The following TRIM49B variants were observed in gnomAD, a reference collection of about 807,000 sequenced individuals.
TRIM49B encodes the protein putative tripartite motif-containing protein 49B.
Under a neutral mutation model 31.8 loss-of-function variants are expected in TRIM49B, and 18 were observed. That is an observed-to-expected ratio of 0.57 (90% confidence interval 0.39 to 0.84). The LOEUF (loss-of-function observed/expected upper bound fraction) is 0.84, where lower values mean the gene tolerates loss of function less well. Ranked by LOEUF, TRIM49B falls within the 40% of genes least tolerant of loss-of-function variation. TRIM49B has a pLI of 0.00. For missense variants in TRIM49B, 494 were observed against 538.7 expected, an observed-to-expected ratio of 0.92 and a Z score of 0.82; for synonymous variants, 196 against 180.6, an observed-to-expected ratio of 1.09 and a Z score of -0.68.
At chr11:49,031,126 G>A (rs534814444) in intron 1 of TRIM49B, among the ~76,000 whole-genome samples, 7 of 151,750 alleles carry the variant, frequency 4.6e-5, no homozygotes, top group Non-Finnish European at 8.8e-5. Flanking sequence ...TTTGCTGCCC[G>A]GCTTTTGTGA....
At position 49,037,663 on chromosome 11, in the gene TRIM49B, G is replaced by T. The variant is rs549866793; in HGVS notation, c.1045G>T (p.Asp349Tyr). 2 of 1,613,914 alleles carry T rather than the reference G, an allele frequency of 1.2e-6. No individual in the cohort carries two copies. The highest frequency in any genetic ancestry group is 1.1e-5 in the South Asian group (1 of 91,068). Residue 349 changes from aspartate to tyrosine, a missense_variant, in exon 7 of 7, where the codon GAC (aspartate) becomes TAC (tyrosine). Asp to Tyr is a radical substitution (Grantham distance 160). Coordinates refer to ENST00000332682, the MANE Select transcript of TRIM49B (RefSeq NM_001206626.2). ...GKYYWEVHVG[D>Y]SWNWAFGVCN... ...ATATTACTGGGAGGTCCATGTAGGGGACTCCTGGAATTGGGCTTTTGGTGT... is the reference window on the plus strand; with the variant it reads ...ATATTACTGGGAGGTCCATGTAGGGTACTCCTGGAATTGGGCTTTTGGTGT...
intron 1 of TRIM49B, among the ~76,000 whole-genome samples, chr11:49,031,385 G>A (rs1854443187): frequency 6.6e-6 from 1 of 152,198 alleles, no homozygotes; most frequent in Non-Finnish European, 1.5e-5. Context: ...GAGTAGAAGG[G>A]ACTGTGAGTG....
At chr11:49,029,717 C>T (rs1171505402) in intron 1 of TRIM49B, among the ~76,000 whole-genome samples, 3 of 152,138 alleles carry the variant, frequency 2.0e-5, no homozygotes, top group Admixed American at 6.5e-5. Context: ...TTATATTAGT[C>T]AGAGTTCTCC....
Position 49,029,126 on chromosome 11 carries a change from T to TAA in TRIM49B, c.-5+152_-5+153dup, listed in dbSNP as rs367752715. ...TAGATTTTATGAATTATAAGGATAC[T>TAA]AATTGTTATTTTGTGCTTTCTATGA... On this transcript the variant is annotated intron_variant, in intron 1 of 6. Coordinates refer to ENST00000332682, the MANE Select transcript of TRIM49B (RefSeq NM_001206626.2). Among the ~76,000 whole-genome samples, 15 of 150,920 alleles carry TAA rather than the reference T, an allele frequency of 9.9e-5. 2 individuals carry two copies. Among genetic ancestry groups the TAA allele is most frequent in the African/African-American group, 3.4e-4 (14 of 40,734 alleles).
At chr11:49,030,071 T>A (rs1453343670) in intron 1 of TRIM49B, among the ~76,000 whole-genome samples, 1 of 152,184 alleles carries the variant, frequency 6.6e-6, no homozygotes, top group African/African-American at 2.4e-5. Context: ...CTGTGGCACG[T>A]GCCTATAATC....
intron 3 of TRIM49B, among the ~76,000 whole-genome samples, chr11:49,033,428 T>A (rs1393375277): frequency 2.0e-5 from 3 of 152,000 alleles, no homozygotes; most frequent in Admixed American, 2.0e-4. Context: ...ATGTGGACCA[T>A]GAGTGTGTAT....
In TRIM49B at chr11:49,032,008, C is replaced by T; in HGVS notation, c.409C>T (p.Gln137Ter). Residue 137 changes from glutamine (Q) to a stop codon, truncating the protein, a stop_gained and splice_region_variant, in exon 2 of 7, where the codon CAG becomes TAG. Coordinates refer to ENST00000332682, the MANE Select transcript of TRIM49B (RefSeq NM_001206626.2). LOFTEE classifies it high-confidence loss of function. ...CATTGAGTCGGCTGCTGAGGAACAC[C>T]AGGTAAGTGATGGCTCTGAAGATCG... is the stretch of plus-strand genomic sequence containing the variant. ...CPIESAAEEH[Q>*]EKLLQKMQSL... The T allele has an allele frequency of 6.2e-7, 1 of 1,611,990 alleles. No homozygotes were observed. The highest frequency in any genetic ancestry group is 8.5e-7 in the Non-Finnish European group (1 of 1,179,858).
chr11:49,035,880 T>C (rs1005842582), intron 5 of TRIM49B, among the ~76,000 whole-genome samples: 1 of 152,198 alleles, frequency 6.6e-6, no homozygotes, highest in African/African-American at 2.4e-5. Context: ...TATAAGTCTC[T>C]AGGGAAGTTC....
chr11:49,031,494 C>G, intron 1 of TRIM49B, 102 bp from the exon 2 acceptor site: 1 of 1,529,294 alleles, frequency 6.5e-7, no homozygotes, highest in Non-Finnish European at 8.7e-7. Context: ...CTTTAATGAA[C>G]ACTGTCAAGA....
intron 5 of TRIM49B, 148 bp downstream of exon 5, chr11:49,035,265 C>T (rs1854508726): frequency 1.7e-6 from 2 of 1,187,940 alleles, no homozygotes; most frequent in Non-Finnish European, 2.3e-6. Context: ...CGTTCCCACA[C>T]CTTAAAAGAC....
chr11:49,036,978 A>C (rs1854537288), intron 6 of TRIM49B, among the ~76,000 whole-genome samples: 1 of 152,242 alleles, frequency 6.6e-6, no homozygotes, highest in Non-Finnish European at 1.5e-5. Context: ...ATCCAGCTTC[A>C]GCCCAGAGCT....
In TRIM49B at chr11:49,037,481, A is replaced by AT; in HGVS notation, c.864dup (p.Ile289TyrfsTer6). On this transcript the variant is annotated frameshift_variant, in exon 7 of 7. Coordinates refer to ENST00000332682, the MANE Select transcript of TRIM49B (RefSeq NM_001206626.2). LOFTEE classifies it low-confidence loss of function (END_TRUNC). ...ATGTTTTCTCTTTTTTTTGCAGTGC[A>AT]TATTACTCTGCATCATGAAGAAGCC... is the stretch of plus-strand genomic sequence containing the variant. 4 of 1,613,634 alleles carry AT rather than the reference A, an allele frequency of 2.5e-6. No homozygotes were observed. Among genetic ancestry groups the AT allele is most frequent in the Non-Finnish European group, 3.4e-6 (4 of 1,179,754 alleles).
At position 49,032,244 on chromosome 11, in the gene TRIM49B, C is replaced by T. The variant is rs748727517; in HGVS notation, c.412-32C>T. 7 of 1,612,638 alleles carry T rather than the reference C, an allele frequency of 4.3e-6. No individual in the cohort carries two copies. In the South Asian group the frequency reaches 7.7e-5, roughly 18 times the overall value. ...GGGCCCCTCCCTATGTCATGGTCTGCACTGGTGCTTCAATTTATGGCTCTT... is the reference window on the plus strand; with the variant it reads ...GGGCCCCTCCCTATGTCATGGTCTGTACTGGTGCTTCAATTTATGGCTCTT... On this transcript the variant is annotated intron_variant, in intron 2 of 6. Coordinates refer to ENST00000332682, the MANE Select transcript of TRIM49B (RefSeq NM_001206626.2).
chr11:49,032,303 T>C lies in TRIM49B; in HGVS notation c.439T>C (p.Leu147=). 1.2e-6 allele frequency: 2 copies of C among 1,613,006 alleles called. No individual in the cohort carries two copies. Among genetic ancestry groups the C allele is most frequent in the Non-Finnish European group, 8.5e-7 (1 of 1,179,700 alleles). The change falls in exon 3 of 7, where the codon TTG becomes CTG. Residue 147 remains leucine (L), a synonymous_variant. Transcript: ENST00000332682. ...GAAGCTTTTACAGAAAATGCAGTCTTTGTGGGAAAAAGCTTGTGAAAATCA... is the reference window on the plus strand; with the variant it reads ...GAAGCTTTTACAGAAAATGCAGTCTCTGTGGGAAAAAGCTTGTGAAAATCA... ...QEKLLQKMQS[L]WEKACENHRN...
intron 2 of TRIM49B, 130 bp downstream of exon 2, chr11:49,032,140 C>G: frequency 6.3e-7 from 1 of 1,586,918 alleles, no homozygotes. Flanking sequence ...TTCTTAGCTT[C>G]CAACCTCTGG....
chr11:49,035,265 C>G, intron 5 of TRIM49B, 148 bp downstream of exon 5: 1 of 1,188,032 alleles, frequency 8.4e-7, no homozygotes, highest in South Asian at 1.6e-5. Flanking sequence ...CGTTCCCACA[C>G]CTTAAAAGAC....
chr11:49,037,239 T>C (rs1461536558), intron 6 of TRIM49B, among the ~76,000 whole-genome samples: 1 of 151,858 alleles, frequency 6.6e-6, no homozygotes, highest in East Asian at 1.9e-4. Context: ...ACTTTGAAAA[T>C]TGGATTGAAA....
Position 49,034,225 on chromosome 11 carries a change from A to T in TRIM49B, c.587A>T (p.His196Leu), listed in dbSNP as rs766336155. The change falls in exon 4 of 7, where the codon CAT becomes CTT. Residue 196 changes from histidine to leucine, a missense_variant. By Grantham distance (99) the His-to-Leu change is moderately conservative. Around this residue, in one of 3 missense-constraint regions of TRIM49B, gnomAD observed 251 missense variants for 232.8 expected, o/e 1.08. Transcript: ENST00000332682. ...GCATTTCACCATGAAGAAGAAAAAC[A>T]TAATTTGGAGATGCTGAAAAAGAAG... The part of the protein sequence containing the change: ...MPAFHHEEEK[H>L]NLEMLKKKGK... 8.7e-6 allele frequency: 14 copies of T among 1,611,864 alleles called. No homozygotes were observed. The highest frequency in any genetic ancestry group is 8.5e-7 in the Non-Finnish European group (1 of 1,179,822).
chr11:49,032,782 A>T (rs1343235305), intron 3 of TRIM49B, among the ~76,000 whole-genome samples: 1 of 152,154 alleles, frequency 6.6e-6, no homozygotes, highest in African/African-American at 2.4e-5. Context: ...GTGTGCAAGT[A>T]GTATTTGGAA....
Sources: gnomAD v4.1 joint callset for allele counts (sites outside exome capture counted in the v4.1 genomes callset) on GRCh38, gnomAD v4.1.1 for gene constraint, gnomAD v4.1.1 regional missense constraint, MANE v1.5 for transcripts, NCBI Gene and HGNC (gene_info 2026-07-23, HGNC 2026-07-21) for gene names.